The following TAF4B variants were observed in gnomAD, a reference collection of about 807,000 sequenced individuals.
TAF4B encodes the protein TATA-box binding protein associated factor 4b.
TAF4B carries 38 observed loss-of-function variants against 86.4 expected under a neutral mutation model. The observed-to-expected ratio is 0.44, with a 90% confidence interval of 0.34 to 0.58. The LOEUF (loss-of-function observed/expected upper bound fraction) is 0.58, where lower values mean the gene tolerates loss of function less well. TAF4B is among the 20% of genes least tolerant of loss of function. The probability of loss-of-function intolerance (pLI) is 0.02; values close to 1 mark genes in which losing one functional copy is unlikely to be tolerated. For synonymous variants in TAF4B, 388 were observed against 391.2 expected (o/e 0.99, Z 0.10); for missense variants, 988 against 1,027.6 (o/e 0.96, Z 0.53).
intron 13 of TAF4B, among the ~76,000 whole-genome samples, chr18:26,341,268 G>A (rs989236043): frequency 6.6e-6 from 1 of 151,998 alleles, no homozygotes; most frequent in Non-Finnish European, 1.5e-5. Context: ...AGGGGAAGGC[G>A]AGGCATAAAA....
intron 14 of TAF4B, among the ~76,000 whole-genome samples, chr18:26,380,830 G>A (rs1484046425): frequency 1.3e-5 from 2 of 151,588 alleles, no homozygotes; most frequent in Non-Finnish European, 2.9e-5. Flanking sequence ...GAATTCACTT[G>A]GAGTGTTTGG....
intron 9 of TAF4B, 118 bp from the exon 10 acceptor site, chr18:26,315,111 T>TCC (rs2056889553): frequency 1.3e-5 from 3 of 223,128 alleles, no homozygotes; most frequent in African/African-American, 5.7e-5. Flanking sequence ...TCTCTCTCTC[T>TCC]CTCTCTCTCT....
chr18:26,241,898 A>G (rs542871388), intron 1 of TAF4B, among the ~76,000 whole-genome samples: 41 of 152,248 alleles, frequency 2.7e-4, no homozygotes, highest in African/African-American at 9.6e-4. Flanking sequence ...AGCGGTTTTG[A>G]GTGAGTTTCT....
intron 1 of TAF4B, chr18:26,256,162 A>G: frequency 2.5e-6 from 4 of 1,610,820 alleles, no homozygotes; most frequent in Non-Finnish European, 2.5e-6. Context: ...CCTGCTGGCA[A>G]CTTCTTCCAT....
At chr18:26,366,661 G>A (rs2057373660) in intron 14 of TAF4B, among the ~76,000 whole-genome samples, 1 of 152,136 alleles carries the variant, frequency 6.6e-6, no homozygotes, top group Admixed American at 6.5e-5. Flanking sequence ...TTTTTCCCTT[G>A]TAAGGAAACA....
At chr18:26,233,965 T>G (rs2055710237) in intron 1 of TAF4B, among the ~76,000 whole-genome samples, 1 of 152,208 alleles carries the variant, frequency 6.6e-6, no homozygotes, top group Non-Finnish European at 1.5e-5. Context: ...GCCCTGTAAA[T>G]AGGGATATGG....
intron 9 of TAF4B, among the ~76,000 whole-genome samples, chr18:26,313,765 A>G (rs2056875023): frequency 6.6e-6 from 1 of 152,024 alleles, no homozygotes; most frequent in African/African-American, 2.4e-5. Context: ...TCCCAGGCTC[A>G]AGTGATCCTC....
intron 3 of TAF4B, 28 bp from the exon 4 acceptor site, chr18:26,274,635 C>T (rs372110388): frequency 6.2e-6 from 10 of 1,613,086 alleles, no homozygotes; most frequent in Non-Finnish European, 8.5e-6. Context: ...GTAATACATG[C>T]CTAAATATTT....
intron 14 of TAF4B, among the ~76,000 whole-genome samples, chr18:26,372,904 G>A (rs2057416155): frequency 6.6e-6 from 1 of 150,692 alleles, no homozygotes; most frequent in Non-Finnish European, 1.5e-5. Flanking sequence ...GGGAGGCGGA[G>A]CTTGCAGTGA....
intron 1 of TAF4B, among the ~76,000 whole-genome samples, chr18:26,241,133 T>C (rs1408876382): frequency 1.3e-5 from 2 of 152,174 alleles, no homozygotes; most frequent in Non-Finnish European, 2.9e-5. Flanking sequence ...CTTTTTCTGT[T>C]GATTGGAATA....
intron 1 of TAF4B, among the ~76,000 whole-genome samples, chr18:26,263,578 G>A (rs2056198549): frequency 6.6e-6 from 1 of 152,162 alleles, no homozygotes; most frequent in South Asian, 2.1e-4. Flanking sequence ...TTTGTGGCGT[G>A]TCCTATTACC....
At chr18:26,343,422 A>G (rs1028754396) in intron 13 of TAF4B, among the ~76,000 whole-genome samples, 1 of 152,150 alleles carries the variant, frequency 6.6e-6, no homozygotes, top group Non-Finnish European at 1.5e-5. Context: ...CCAACAAACC[A>G]CCACCAGATC....
At chr18:26,291,706 CAAA>C (rs551155639) in intron 7 of TAF4B, among the ~76,000 whole-genome samples, 4 of 111,828 alleles carry the variant, frequency 3.6e-5, no homozygotes, top group Admixed American at 9.6e-5. Context: ...GACTCTGTCT[CAAA>C]AAAAAAAAAA....
At chr18:26,282,150 G>T in intron 6 of TAF4B, 90 bp downstream of exon 6, 1 of 1,067,876 alleles carries the variant, frequency 9.4e-7, no homozygotes, top group Admixed American at 2.1e-5. Context: ...GACAGCAATT[G>T]AATGTGAAGA....
At chr18:26,295,483 G>T (rs1338531203) in intron 9 of TAF4B, among the ~76,000 whole-genome samples, 1 of 152,170 alleles carries the variant, frequency 6.6e-6, no homozygotes, top group South Asian at 2.1e-4. Flanking sequence ...TCTCTCATTT[G>T]TGCAGTTCAC....
chr18:26,351,263 G>GA (rs968356564), intron 13 of TAF4B, among the ~76,000 whole-genome samples: 3 of 150,988 alleles, frequency 2.0e-5, no homozygotes, highest in Admixed American at 6.6e-5. Flanking sequence ...AGTATTCCAG[G>GA]AAAAAAAAAG....
intron 1 of TAF4B, among the ~76,000 whole-genome samples, chr18:26,259,446 G>T (rs150583275): frequency 2.0e-5 from 2 of 98,728 alleles, no homozygotes; most frequent in South Asian, 7.3e-4. Context: ...CTCCCACCCC[G>T]CGACAGGCCC....
chr18:26,245,892 C>T (rs190652836), intron 1 of TAF4B, among the ~76,000 whole-genome samples: 5 of 152,232 alleles, frequency 3.3e-5, no homozygotes, highest in Admixed American at 6.5e-5. Context: ...TATTCGCAGG[C>T]GTTGATACTG....
At chr18:26,354,333 A>G (rs2057269409) in intron 13 of TAF4B, among the ~76,000 whole-genome samples, 1 of 152,206 alleles carries the variant, frequency 6.6e-6, no homozygotes, top group African/African-American at 2.4e-5. Context: ...TTGAACTCTC[A>G]AAATACTGGG....
Sources: gnomAD v4.1 joint callset for allele counts (sites outside exome capture counted in the v4.1 genomes callset) on GRCh38, gnomAD v4.1.1 for gene constraint, MANE v1.5 for transcripts, NCBI Gene and HGNC (gene_info 2026-07-23, HGNC 2026-07-21) for gene names.